Variants in HPSE2 observed in about 807,000 individuals in gnomAD.
HPSE2 encodes the protein inactive heparanase-2.
A neutral mutation model predicts 60.5 loss-of-function variants in HPSE2; 38 were observed. That is an observed-to-expected ratio of 0.63 (90% CI 0.48 to 0.82). The LOEUF (loss-of-function observed/expected upper bound fraction) is 0.82, where lower values mean the gene tolerates loss of function less well. Among genes scored for constraint, HPSE2 ranks in the 40% least tolerant of loss-of-function variants. The pLI, the probability that HPSE2 is intolerant of heterozygous loss-of-function variation, is 0.00. For synonymous variants in HPSE2, 295 were observed against 293.2 expected, an observed-to-expected ratio of 1.01 and a Z score of -0.06; for missense variants, 713 against 740.4, an observed-to-expected ratio of 0.96 and a Z score of 0.43.
intron 3 of HPSE2, among the ~76,000 whole-genome samples, chr10:98,747,051 G>T (rs1313024499): frequency 6.6e-6 from 1 of 151,808 alleles, no homozygotes; most frequent in Non-Finnish European, 1.5e-5. Context: ...GTTTCCTTGA[G>T]ATTTGAGAAT....
At chr10:99,100,397 T>G (rs566502427) in intron 3 of HPSE2, among the ~76,000 whole-genome samples, 64 of 152,090 alleles carry the variant, frequency 4.2e-4, no homozygotes, top group Admixed American at 1.7e-3. Flanking sequence ...TATCAGTGAC[T>G]GAAGATCAAA....
intron 3 of HPSE2, among the ~76,000 whole-genome samples, chr10:98,767,545 AT>A (rs1395985594): frequency 6.8e-6 from 1 of 147,444 alleles, no homozygotes; most frequent in African/African-American, 2.5e-5. Context: ...ATTATACTGT[AT>A]ATACATATAT....
chr10:99,153,419 T>G (rs1044230380), intron 2 of HPSE2, among the ~76,000 whole-genome samples: 1 of 152,214 alleles, frequency 6.6e-6, no homozygotes, highest in African/African-American at 2.4e-5. Context: ...ACGGGCAGAC[T>G]GCCTCCTCAA....
chr10:98,457,099 CCTTTT>C lies in HPSE2; in HGVS notation c.*2470_*2474del, dbSNP rs1940081661. Reference sequence around the variant, plus strand: ...AGATAAATTTCAGTAATTCCCTCTTCCTTTTATTAACTAAAAAATAAACAAAACTT... The same window carrying C: ...AGATAAATTTCAGTAATTCCCTCTTCATTAACTAAAAAATAAACAAAACTT... On this transcript the variant is annotated 3_prime_UTR_variant, in exon 12 of 12. Coordinates refer to ENST00000370552, the MANE Select transcript of HPSE2 (RefSeq NM_021828.5). The C allele has an allele frequency of 6.6e-6, 1 of 152,224 alleles. No homozygotes were observed. The highest frequency in any genetic ancestry group is 6.5e-5 in the Admixed American group (1 of 15,290). The allele number at this position is 152,224 out of a possible 1,614,324, so 9.4% of individuals were successfully genotyped here.
chr10:98,492,147 T>C (rs1941667134), intron 9 of HPSE2, among the ~76,000 whole-genome samples: 1 of 152,210 alleles, frequency 6.6e-6, no homozygotes, highest in South Asian at 2.1e-4. Context: ...GCCATTACCT[T>C]TGTGTCGTAG....
At chr10:98,498,038 G>C (rs552411492) in intron 9 of HPSE2, among the ~76,000 whole-genome samples, 1 of 152,280 alleles carries the variant, frequency 6.6e-6, no homozygotes, top group South Asian at 2.1e-4. Context: ...CTTTTCTTTA[G>C]CCTCTGAGAA....
At chr10:99,160,878 G>A (rs1357681681) in intron 2 of HPSE2, among the ~76,000 whole-genome samples, 6 of 114,932 alleles carry the variant, frequency 5.2e-5, no homozygotes, top group Admixed American at 3.8e-4. Flanking sequence ...CAGCCTGGGC[G>A]ACACAGCGAG....
intron 3 of HPSE2, among the ~76,000 whole-genome samples, chr10:99,034,586 CATAA>C (rs1315489293): frequency 2.0e-5 from 3 of 151,890 alleles, no homozygotes; most frequent in Non-Finnish European, 4.4e-5. Context: ...TACACAGAGA[CATAA>C]ATACACAGAT....
At chr10:99,056,271 C>T (rs1163467728) in intron 3 of HPSE2, among the ~76,000 whole-genome samples, 1 of 151,930 alleles carries the variant, frequency 6.6e-6, no homozygotes, top group African/African-American at 2.4e-5. Context: ...AAAAACAGAT[C>T]TGAATATTCC....
intron 3 of HPSE2, among the ~76,000 whole-genome samples, chr10:99,058,920 C>G (rs1220632608): frequency 6.6e-6 from 1 of 152,104 alleles, no homozygotes; most frequent in East Asian, 1.9e-4. Flanking sequence ...TTATTTTAGG[C>G]TTTGTGAGCC....
intron 3 of HPSE2, among the ~76,000 whole-genome samples, chr10:98,778,264 C>CAGAGAGAGACAGAG (rs1554991961): frequency 1.8e-5 from 2 of 112,654 alleles, no homozygotes; most frequent in Admixed American, 9.4e-5. Flanking sequence ...GAGAGAGAGA[C>CAGAGAGAGACAGAG]AGAGAGAGAG....
At chr10:98,624,841 A>G (rs764309046) in intron 7 of HPSE2, among the ~76,000 whole-genome samples, 6 of 152,220 alleles carry the variant, frequency 3.9e-5, no homozygotes, top group Non-Finnish European at 7.3e-5. Context: ...GTTAGTGAAA[A>G]GGAGCACAGA....
intron 2 of HPSE2, among the ~76,000 whole-genome samples, chr10:99,184,777 T>G (rs1187951324): frequency 2.0e-5 from 2 of 98,570 alleles, no homozygotes; most frequent in Non-Finnish European, 4.1e-5. Context: ...GCAACAGAAC[T>G]ATCCAAAATT....
chr10:99,270,916 C>T, the HPSE2 span, among the ~76,000 whole-genome samples: 1 of 152,066 alleles, frequency 6.6e-6, no homozygotes, highest in Non-Finnish European at 1.5e-5. Flanking sequence ...GCAGAAAAAG[C>T]ATTTGAGAAA....
intron 2 of HPSE2, among the ~76,000 whole-genome samples, chr10:99,178,070 A>G (rs953291243): frequency 3.3e-5 from 5 of 152,022 alleles, no homozygotes; most frequent in Non-Finnish European, 7.4e-5. Flanking sequence ...CTTTGAAACC[A>G]ATGAGAACAG....
intron 6 of HPSE2, among the ~76,000 whole-genome samples, chr10:98,645,362 T>C (rs987362312): frequency 2.0e-5 from 3 of 152,158 alleles, no homozygotes; most frequent in Non-Finnish European, 4.4e-5. Flanking sequence ...TGGCTGCAGA[T>C]GAACTCTTCA....
intron 4 of HPSE2, among the ~76,000 whole-genome samples, chr10:98,722,366 G>T (rs1039330206): frequency 6.6e-6 from 1 of 151,544 alleles, no homozygotes; most frequent in Non-Finnish European, 1.5e-5. Context: ...GGCAGCCACC[G>T]GAAGCTAGGA....
chr10:98,983,332 T>C (rs1369958295), intron 3 of HPSE2, among the ~76,000 whole-genome samples: 2 of 152,152 alleles, frequency 1.3e-5, no homozygotes, highest in African/African-American at 4.8e-5. Context: ...ACCAGAAGTG[T>C]GTTGCTTATG....
At chr10:99,156,301 A>G (rs1846555543) in intron 2 of HPSE2, among the ~76,000 whole-genome samples, 1 of 126,138 alleles carries the variant, frequency 7.9e-6, no homozygotes. Context: ...CAACCAAAAA[A>G]GAGAATTTTA....
Sources: gnomAD v4.1 joint callset for allele counts (sites outside exome capture counted in the v4.1 genomes callset) on GRCh38, gnomAD v4.1.1 for gene constraint, MANE v1.5 for transcripts, NCBI Gene and HGNC (gene_info 2026-07-23, HGNC 2026-07-21) for gene names.